Variants in PIGN observed in about 807,000 individuals in gnomAD.
PIGN encodes GPI ethanolamine phosphate transferase 1.
PIGN carries 117 observed loss-of-function variants against 125.4 expected under a neutral mutation model. The observed-to-expected ratio is 0.93, with a 90% CI of 0.80 to 1.09. The LOEUF is 1.09. Among genes scored for constraint, PIGN ranks in the 50% least tolerant of loss-of-function variants. The pLI is 0.00. For synonymous variants in PIGN, 392 were observed against 377.8 expected, an observed-to-expected ratio of 1.04 and a Z score of -0.44; for missense variants, 1,075 against 1,094.9, an observed-to-expected ratio of 0.98 and a Z score of 0.26.
downstream of PIGN, among the ~76,000 whole-genome samples, chr18:62,040,996 A>C (rs2030353822): frequency 6.6e-6 from 1 of 152,194 alleles, no homozygotes; most frequent in Non-Finnish European, 1.5e-5. Context: ...TTATCTTTTC[A>C]TGAGTTTACC....
intron 23 of PIGN, among the ~76,000 whole-genome samples, chr18:62,095,033 T>C (rs1284493934): frequency 6.6e-6 from 1 of 152,178 alleles, no homozygotes; most frequent in African/African-American, 2.4e-5. Flanking sequence ...CCAAATGGCT[T>C]TACAAAATCA....
chr18:62,142,692 G>T (rs971287492), intron 11 of PIGN, among the ~76,000 whole-genome samples: 47 of 152,190 alleles, frequency 3.1e-4, no homozygotes, highest in Non-Finnish European at 1.0e-4. Context: ...ATATCCCAAT[G>T]ATGCTATACC....
chr18:62,143,894 C>T (rs1294559888), intron 10 of PIGN, among the ~76,000 whole-genome samples: 1 of 152,140 alleles, frequency 6.6e-6, no homozygotes, highest in Non-Finnish European at 1.5e-5. Flanking sequence ...TTTTTCTACA[C>T]ATAAATTCAG....
chr18:62,044,243 ATATT>A lies in PIGN; in HGVS notation c.*1609_*1612del, dbSNP rs1294183559. ...GCACCCTTTACAATGTTGTAATAAAATATTTATTAATTTCTCTTTATAAAAATTT... is the reference window on the plus strand; with the variant it reads ...GCACCCTTTACAATGTTGTAATAAAATATTAATTTCTCTTTATAAAAATTT... On this transcript the variant is annotated 3_prime_UTR_variant, in exon 31 of 31. Transcript: ENST00000640252. 1.3e-5 allele frequency: 2 copies of A among 152,254 alleles called. No individual in the cohort carries two copies. Among genetic ancestry groups the A allele is most frequent in the African/African-American group, 2.4e-5 (1 of 41,468 alleles). 9.4% of individuals were successfully genotyped at this position (152,254 alleles called of 1,614,324 possible).
chr18:62,167,932 G>A (rs1465294029), intron 1 of PIGN, among the ~76,000 whole-genome samples: 1 of 151,882 alleles, frequency 6.6e-6, no homozygotes, highest in Non-Finnish European at 1.5e-5. Context: ...GGTGGCTCAC[G>A]CTTGCAATCC....
intron 30 of PIGN, among the ~76,000 whole-genome samples, chr18:62,061,204 T>C (rs2032102654): frequency 6.6e-6 from 1 of 152,164 alleles, no homozygotes; most frequent in African/African-American, 2.4e-5. Flanking sequence ...AATGCCCTAA[T>C]AATACAATCT....
chr18:62,041,658 T>G lies in PIGN; in HGVS notation c.*4198A>C, dbSNP rs1403708359. The G allele has an allele frequency of 6.5e-5, 9 of 138,892 alleles. No individual in the cohort carries two copies. Among genetic ancestry groups the G allele is most frequent in the Admixed American group, 1.4e-4 (2 of 14,042 alleles). The allele number at this position is 138,892 out of a possible 1,614,324, so 8.6% of individuals were successfully genotyped here. A position where few individuals can be genotyped will look rare whatever the true frequency, so the allele number is the denominator to read the frequency against. On this transcript the variant is annotated 3_prime_UTR_variant, in exon 31 of 31. Coordinates refer to ENST00000640252, the MANE Select transcript of PIGN (RefSeq NM_176787.5). ...CCCGCCGGGTGTGTGTGTGTGTGTG[T>G]GTGTGTGTGTGTGTGTGTGTGTGTG... is the stretch of plus-strand genomic sequence containing the variant.
intron 23 of PIGN, among the ~76,000 whole-genome samples, chr18:62,093,080 A>G (rs1490404787): frequency 1.3e-5 from 2 of 152,096 alleles, no homozygotes; most frequent in Non-Finnish European, 2.9e-5. Flanking sequence ...TGCTCTGGAC[A>G]CTGGAGATAT....
intron 1 of PIGN, among the ~76,000 whole-genome samples, chr18:62,174,722 G>A (rs879708840): frequency 7.3e-5 from 11 of 151,372 alleles, no homozygotes; most frequent in African/African-American, 1.7e-4. Flanking sequence ...TAATTAAATC[G>A]GTTAAATTAA....
chr18:62,073,955 T>C (rs1309648062), intron 29 of PIGN, among the ~76,000 whole-genome samples: 5 of 152,222 alleles, frequency 3.3e-5, no homozygotes, highest in Non-Finnish European at 5.9e-5. Flanking sequence ...TGGGCCATAT[T>C]ACCAGCTGTA....
Position 62,065,221 on chromosome 18 carries a change from T to A in PIGN, c.2672+7452A>T, listed in dbSNP as rs577165233. On this transcript the variant is annotated intron_variant, in intron 30 of 30. Transcript: ENST00000640252. The stretch of plus-strand genomic sequence containing the variant: ...CCTATCTCCCCTCCTTTCCTTTTTT[T>A]AAAAACTTTTTTATAAAACAGTGCA... Among the ~76,000 whole-genome samples the A allele has an allele frequency of 6.6e-5, 10 of 152,274 alleles. No individual in the cohort carries two copies. The South Asian group carries it at 1.9e-3, about 28-fold the overall frequency.
chr18:62,146,525 T>C (rs1341630824), intron 9 of PIGN, among the ~76,000 whole-genome samples: 3 of 152,218 alleles, frequency 2.0e-5, no homozygotes, highest in Admixed American at 1.3e-4. Flanking sequence ...ATCCATATTG[T>C]GATTTGGGGA....
At chr18:62,138,151 ATAAG>A in intron 14 of PIGN, 88 bp downstream of exon 14, 1 of 1,486,064 alleles carries the variant, frequency 6.7e-7, no homozygotes, top group Non-Finnish European at 9.0e-7. Flanking sequence ...GGCAAACTGT[ATAAG>A]TAAACTAATC....
intron 7 of PIGN, among the ~76,000 whole-genome samples, chr18:62,149,199 T>A (rs1169647415): frequency 1.3e-5 from 2 of 152,168 alleles, no homozygotes; most frequent in African/African-American, 2.4e-5. Flanking sequence ...TTTTTTCAAA[T>A]AACTCTTCAC....
intron 6 of PIGN, 49 bp from the exon 7 acceptor site, chr18:62,154,700 C>A: frequency 1.1e-6 from 1 of 907,526 alleles, no homozygotes; most frequent in Non-Finnish European, 1.8e-6. Context: ...ATCTTTTAAA[C>A]TATCATAAAA....
chr18:62,078,829 T>C lies in PIGN; in HGVS notation c.2576+3844A>G, dbSNP rs1295231199. ...CTTTTATCCAATTGATAATAAATAT[T>C]ACTTATCATCCCCACTGAGCCACTG... On this transcript the variant is annotated intron_variant, in intron 28 of 30. Coordinates refer to ENST00000640252, the MANE Select transcript of PIGN (RefSeq NM_176787.5). Among the ~76,000 whole-genome samples the C allele has an allele frequency of 2.0e-5, 3 of 152,328 alleles. No homozygotes were observed. In the South Asian group the frequency reaches 6.2e-4, roughly 32 times the overall value.
intron 26 of PIGN, among the ~76,000 whole-genome samples, chr18:62,084,853 A>G (rs148310043): frequency 6.6e-6 from 1 of 152,342 alleles, no homozygotes; most frequent in African/African-American, 2.4e-5. Context: ...CACGCCTGTA[A>G]TCCCAGCACT....
chr18:62,039,229 A>G (rs1370627621), downstream of PIGN, among the ~76,000 whole-genome samples: 1 of 152,196 alleles, frequency 6.6e-6, no homozygotes, highest in East Asian at 1.9e-4. Context: ...GTTATTTTAC[A>G]ATAGTTTTAT....
intron 20 of PIGN, 131 bp downstream of exon 20, chr18:62,105,412 A>G: frequency 1.6e-6 from 1 of 612,204 alleles, no homozygotes; most frequent in Non-Finnish European, 2.9e-6. Context: ...ATGGTTTGAT[A>G]TTGGTATTTT....
Sources: allele counts gnomAD v4.1 joint callset (sites outside exome capture counted in the v4.1 genomes callset), GRCh38; gene constraint gnomAD v4.1.1; transcripts MANE v1.5; gene names NCBI Gene and HGNC (gene_info 2026-07-23, HGNC 2026-07-21).